Variants in G2E3 observed in about 807,000 individuals in gnomAD.
G2E3 encodes the protein G2/M-phase specific E3 ubiquitin protein ligase, also known as G2/M phase-specific E3 ubiquitin-protein ligase.
G2E3 carries 35 observed loss-of-function variants against 92.8 expected under a neutral mutation model. The ratio of observed to expected loss-of-function variants is 0.38; its 90% CI spans 0.29 to 0.50. The LOEUF (loss-of-function observed/expected upper bound fraction) is 0.50, where lower values mean the gene tolerates loss of function less well. G2E3 is among the 20% of genes least tolerant of loss of function. The probability of loss-of-function intolerance (pLI) is 0.94; values close to 1 mark genes in which losing one functional copy is unlikely to be tolerated. For missense variants in G2E3, 554 were observed against 823.8 expected (o/e 0.67, Z 4.01); for synonymous variants, 242 against 272.4 (o/e 0.89, Z 1.10).
chr14:30,570,583 G>A (rs1461360876), intron 1 of G2E3, among the ~76,000 whole-genome samples: 2 of 151,806 alleles, frequency 1.3e-5, no homozygotes, highest in African/African-American at 4.8e-5. Context: ...CTTCAAGTTC[G>A]CTGATTCTTT....
intron 1 of G2E3, among the ~76,000 whole-genome samples, chr14:30,578,838 A>AC (rs998990350): frequency 1.3e-5 from 2 of 152,076 alleles, no homozygotes; most frequent in African/African-American, 4.8e-5. Context: ...TTTAAGATGG[A>AC]CTCAACCCTT....
chr14:30,590,692 G>C, intron 4 of G2E3: 1 of 455,880 alleles, frequency 2.2e-6, no homozygotes, highest in Non-Finnish European at 4.4e-6. Flanking sequence ...AAAAACAGAG[G>C]TTCTAGGGCA....
chr14:30,581,251 C>T (rs1483925150), intron 2 of G2E3, 135 bp downstream of exon 2: 3 of 556,330 alleles, frequency 5.4e-6, no homozygotes, highest in Non-Finnish European at 9.7e-6. Flanking sequence ...TATAATATTG[C>T]ATATATTTAT....
rs375415000 is a variant in G2E3 at position 30,612,421 on chromosome 14, G to T, written c.1673+42G>T. ...AATATATGGCTCTTTCAAATTACAT[G>T]TTTAAAGTGGTTAATTATCTTGTAA... is the stretch of plus-strand genomic sequence containing the variant. On this transcript the variant is annotated intron_variant, in intron 13 of 14. Coordinates refer to ENST00000206595, the MANE Select transcript of G2E3 (RefSeq NM_017769.5). 109 of 1,180,968 alleles carry T rather than the reference G, an allele frequency of 9.2e-5. No homozygotes were observed. The African/African-American group carries it at 1.4e-3, about 15-fold the overall frequency. The allele number at this position is 1,180,968 out of a possible 1,614,324, so 73.2% of individuals were successfully genotyped here.
chr14:30,580,866 A>G (rs894654691), intron 1 of G2E3: 1 of 483,228 alleles, frequency 2.1e-6, no homozygotes, highest in Non-Finnish European at 3.8e-6. Context: ...TTTGACAGCT[A>G]AAAAACATTC....
chr14:30,601,942 AT>A, intron 9 of G2E3, 48 bp downstream of exon 9: 1 of 1,604,438 alleles, frequency 6.2e-7, no homozygotes, highest in South Asian at 1.1e-5. Context: ...AATGTATATG[AT>A]TTAAAAGTTT....
At chr14:30,587,781 TGAGAGAGACA>T (rs563657378) in intron 3 of G2E3, among the ~76,000 whole-genome samples, 109 of 152,218 alleles carry the variant, frequency 7.2e-4, no homozygotes, top group African/African-American at 2.4e-3. Context: ...AAGCAAGTGA[TGAGAGAGACA>T]GAGAGAGAGA....
chr14:30,572,032 C>G (rs72666417), intron 1 of G2E3, among the ~76,000 whole-genome samples: 2 of 150,798 alleles, frequency 1.3e-5, no homozygotes, highest in African/African-American at 2.4e-5. Flanking sequence ...CATTGTCTAT[C>G]TCTTCATTTA....
rs553941390 is a variant in G2E3 at position 30,586,897 on chromosome 14, T to A, written c.135+82T>A. On this transcript the variant is annotated intron_variant, in intron 3 of 14. Coordinates refer to ENST00000206595, the MANE Select transcript of G2E3 (RefSeq NM_017769.5). ...GATTCTGACACTGATTTCTGAGAAT[T>A]GGATAAGTCATTTAACTTCTCCAGA... is the stretch of plus-strand genomic sequence containing the variant. The A allele has an allele frequency of 1.7e-5, 8 of 463,626 alleles. No individual in the cohort carries two copies. The South Asian group carries it at 4.4e-4, about 26-fold the overall frequency. The allele number at this position is 463,626 out of a possible 1,614,324, so 28.7% of individuals were successfully genotyped here.
At chr14:30,576,390 G>A (rs229195) in intron 1 of G2E3, among the ~76,000 whole-genome samples, 74,304 of 152,034 alleles carry the variant, frequency 0.49, 21,160 homozygotes, top group African/African-American at 0.79. Flanking sequence ...TAAAGACTTA[G>A]ATGTAAAACC....
At chr14:30,600,571 A>G (rs1164106563) in intron 8 of G2E3, among the ~76,000 whole-genome samples, 1 of 152,188 alleles carries the variant, frequency 6.6e-6, no homozygotes, top group African/African-American at 2.4e-5. Context: ...TTTCAAATTT[A>G]TTTTAGGCTG....
At chr14:30,580,460 C>A (rs1473503941) in intron 1 of G2E3, among the ~76,000 whole-genome samples, 1 of 152,178 alleles carries the variant, frequency 6.6e-6, no homozygotes, top group Non-Finnish European at 1.5e-5. Context: ...CCTGCCTCAG[C>A]CTCCCAAAGT....
intron 8 of G2E3, among the ~76,000 whole-genome samples, chr14:30,598,813 C>T (rs745371773): frequency 1.1e-4 from 16 of 152,164 alleles, no homozygotes; most frequent in Non-Finnish European, 2.1e-4. Flanking sequence ...TGTCTTATCA[C>T]GAGACTATTT....
At chr14:30,588,261 T>G (rs1880823519) in intron 3 of G2E3, among the ~76,000 whole-genome samples, 1 of 152,106 alleles carries the variant, frequency 6.6e-6, no homozygotes, top group Admixed American at 6.6e-5. Flanking sequence ...AAAAGGATTA[T>G]TTTATTTTTT....
At position 30,597,429 on chromosome 14, in the gene G2E3, A is replaced by G. The variant is rs778953457; in HGVS notation, c.538A>G (p.Ile180Val). The G allele has an allele frequency of 2.6e-6, 4 of 1,556,130 alleles. No individual in the cohort carries two copies. Among genetic ancestry groups the G allele is most frequent in the Admixed American group, 1.7e-5 (1 of 59,854 alleles). The change falls in exon 7 of 15, where the codon ATA becomes GTA. Residue 180 changes from isoleucine to valine, a missense_variant. Around this residue, in one of 3 missense-constraint regions of G2E3, gnomAD observed 20 missense variants for 62.3 expected, o/e 0.32. Coordinates refer to ENST00000206595, the MANE Select transcript of G2E3 (RefSeq NM_017769.5). ...TTATTTTCCACTGTAGGTTCAAGCA[A>G]TAAATGCGGGAGTGTTTTTCTTTAG... ...FHRDCLQVQA[I>V]NAGVFFFRCT...
chr14:30,600,839 C>G (rs939312978), intron 8 of G2E3, among the ~76,000 whole-genome samples: 1 of 152,196 alleles, frequency 6.6e-6, no homozygotes, highest in African/African-American at 2.4e-5. Context: ...AAGTTATTGA[C>G]CCCTCTGTGC....
intron 10 of G2E3, among the ~76,000 whole-genome samples, chr14:30,605,083 A>G (rs1881766896): frequency 6.6e-6 from 1 of 152,094 alleles, no homozygotes; most frequent in African/African-American, 2.4e-5. Flanking sequence ...TTCAGTAGAG[A>G]CAGGGTTTCT....
At chr14:30,567,382 C>CT (rs1879499988) in intron 1 of G2E3, among the ~76,000 whole-genome samples, 1 of 152,040 alleles carries the variant, frequency 6.6e-6, no homozygotes, top group South Asian at 2.1e-4. Flanking sequence ...CTTCTTGTCA[C>CT]TTTTGTTATT....
chr14:30,602,913 T>A (rs1332918153), intron 10 of G2E3: 1 of 152,214 alleles, frequency 6.6e-6, no homozygotes, highest in African/African-American at 2.4e-5. Context: ...TGCCCTGCCA[T>A]TTTTTGATGT....
Sources: allele counts gnomAD v4.1 joint callset (sites outside exome capture counted in the v4.1 genomes callset), GRCh38; gene constraint gnomAD v4.1.1; regional missense constraint gnomAD v4.1.1; transcripts MANE v1.5; gene names NCBI Gene and HGNC (gene_info 2026-07-23, HGNC 2026-07-21).